Variants in DIXDC1 observed in about 807,000 individuals in gnomAD.
DIXDC1 encodes the protein dixin.
DIXDC1 carries 64 observed loss-of-function variants against 103.1 expected under a neutral mutation model. The ratio of observed to expected loss-of-function variants is 0.62; its 90% CI spans 0.51 to 0.76. The LOEUF is 0.76. Ranked by LOEUF, DIXDC1 falls within the 30% of genes least tolerant of loss-of-function variation. DIXDC1 has a pLI of 0.00. For missense variants in DIXDC1, 759 were observed against 834.2 expected, an observed-to-expected ratio of 0.91 and a Z score of 1.11; for synonymous variants, 266 against 298.5, an observed-to-expected ratio of 0.89 and a Z score of 1.12.
At chr11:111,930,848 C>CTTT (rs1965988927) in intron 2 of DIXDC1, among the ~76,000 whole-genome samples, 1 of 139,020 alleles carries the variant, frequency 7.2e-6, no homozygotes, top group African/African-American at 2.9e-5. Flanking sequence ...TTCTTTCTTT[C>CTTT]CTTTTTTTTT....
At chr11:112,013,138 G>A (rs1861474632) in intron 17 of DIXDC1, among the ~76,000 whole-genome samples, 2 of 152,130 alleles carry the variant, frequency 1.3e-5, no homozygotes, top group South Asian at 4.1e-4. Context: ...AAGGCACGTT[G>A]TCTCTGTGTC....
In DIXDC1 at chr11:111,977,658, GT is replaced by G; in HGVS notation, c.656+2679del. ...TGCTAGCTGGCCTTCCCGTGGAGGC[GT>G]TTTCCAGCCCCAGCGCGGGGAGACA... On this transcript the variant is annotated intron_variant, in intron 5 of 19. Coordinates refer to ENST00000440460, the MANE Select transcript of DIXDC1 (RefSeq NM_001037954.4). This position sits in a 1 kb window ranked among gnomAD's most constrained non-coding sequence, Gnocchi z 6.1. 1 of 1,547,004 alleles carries G rather than the reference GT, an allele frequency of 6.5e-7. No homozygotes were observed. Among genetic ancestry groups the G allele is most frequent in the Non-Finnish European group, 8.7e-7 (1 of 1,144,980 alleles).
intron 11 of DIXDC1, 145 bp from the exon 12 acceptor site, chr11:111,992,805 TG>T: frequency 1.2e-6 from 1 of 833,250 alleles, no homozygotes; most frequent in Non-Finnish European, 1.9e-6. Context: ...ACTAAAAATG[TG>T]GAGAGCAGCT....
intron 17 of DIXDC1, among the ~76,000 whole-genome samples, chr11:111,997,652 G>T (rs189549509): frequency 1.3e-5 from 2 of 152,024 alleles, no homozygotes. Flanking sequence ...TTTATTCATT[G>T]ATTTCTTCAG....
intron 1 of DIXDC1, among the ~76,000 whole-genome samples, chr11:111,950,907 T>C (rs1263194256): frequency 6.6e-6 from 1 of 152,236 alleles, no homozygotes; most frequent in Non-Finnish European, 1.5e-5. Flanking sequence ...TTAGTTACTT[T>C]AAAATGTACA....
Position 111,972,446 on chromosome 11 carries a change from C to T in DIXDC1, c.317-1577C>T, listed in dbSNP as rs78438780. The stretch of plus-strand genomic sequence containing the variant: ...AGTGTAACAGTCTGAGTTAGTCCTG[C>T]GGCATTGATTTTTGTCCCCTTCTCA... On this transcript the variant is annotated intron_variant, in intron 3 of 19. Transcript: ENST00000440460. Among the ~76,000 whole-genome samples the T allele has an allele frequency of 9.0e-3, 1,376 of 152,266 alleles. 12 individuals carry two copies. Among genetic ancestry groups the T allele is most frequent in the African/African-American group, 0.03 (1,256 of 41,540 alleles).
rs1859471437 is a variant in DIXDC1, at chr11:111,958,691, T to G, written c.61-5858T>G. On this transcript the variant is annotated intron_variant, in intron 1 of 19. Transcript: ENST00000440460. This position sits in a 1 kb window ranked among gnomAD's most constrained non-coding sequence, Gnocchi z 4.2. ...GCCCCACCTTCAAACCAGGGAGGCC[T>G]GAAGCCTGGGGGGTCAGGCTGCCAG... is the stretch of plus-strand genomic sequence containing the variant. Among the ~76,000 whole-genome samples the G allele has an allele frequency of 6.6e-6, 1 of 152,160 alleles. No individual in the cohort carries two copies. The highest frequency in any genetic ancestry group is 2.1e-4 in the South Asian group (1 of 4,830).
At chr11:111,928,773 A>G (rs78113722) in intron 1 of DIXDC1, among the ~76,000 whole-genome samples, 290 of 149,538 alleles carry the variant, frequency 1.9e-3, no homozygotes, top group Admixed American at 9.5e-3. Flanking sequence ...AAAAAGTGGG[A>G]AAAAAAAAAG....
chr11:111,996,313 A>G, intron 17 of DIXDC1, 167 bp downstream of exon 17: 1 of 567,652 alleles, frequency 1.8e-6, no homozygotes, highest in East Asian at 3.4e-5. Flanking sequence ...GACTATGAAG[A>G]CATATGCCAT....
At position 111,974,103 on chromosome 11, in the gene DIXDC1, A is replaced by G. The variant is rs1555172352; in HGVS notation, c.397A>G (p.Thr133Ala). ...AAHFKPGSSR[T>A]VNQGRDSRAP... ...TCATTTCAAACCTGGCTCCAGCAGG[A>G]CGGTGAACCAAGGACGGGACTCCAG... is the stretch of plus-strand genomic sequence containing the variant. Residue 133 changes from threonine (T) to alanine (A), a missense_variant, in exon 4 of 20, where the codon ACG becomes GCG. Thr to Ala is a moderately conservative substitution (Grantham distance 58, BLOSUM62 0). Transcript: ENST00000440460. 1.2e-6 allele frequency: 2 copies of G among 1,614,040 alleles called. No homozygotes were observed. Among genetic ancestry groups the G allele is most frequent in the Non-Finnish European group, 1.7e-6 (2 of 1,179,904 alleles).
At chr11:111,990,972 T>C (rs1860694407) in intron 10 of DIXDC1, among the ~76,000 whole-genome samples, 2 of 152,206 alleles carry the variant, frequency 1.3e-5, no homozygotes, top group African/African-American at 2.4e-5. Flanking sequence ...CCAAAAGTGC[T>C]GGGATTACAG....
intron 1 of DIXDC1, chr11:111,928,254 T>C (rs1347645553): frequency 6.6e-6 from 1 of 151,654 alleles, no homozygotes; most frequent in Non-Finnish European, 1.5e-5. Flanking sequence ...ATTTTCTATA[T>C]ATTAAATGAA....
intron 17 of DIXDC1, among the ~76,000 whole-genome samples, chr11:112,010,317 T>C (rs1172014205): frequency 1.3e-5 from 2 of 152,180 alleles, no homozygotes; most frequent in Non-Finnish European, 2.9e-5. Context: ...CACAAACAAA[T>C]GGAAGAACAT....
At chr11:112,009,572 C>G (rs1333371039) in intron 17 of DIXDC1, among the ~76,000 whole-genome samples, 12 of 152,266 alleles carry the variant, frequency 7.9e-5, no homozygotes, top group Non-Finnish European at 1.2e-4. Flanking sequence ...AAAATACTGG[C>G]AAACCGAATC....
chr11:111,956,494 A>G (rs1336749806), intron 1 of DIXDC1, among the ~76,000 whole-genome samples: 1 of 152,094 alleles, frequency 6.6e-6, no homozygotes, highest in Non-Finnish European at 1.5e-5. Context: ...AGTAATAATA[A>G]TAATTTTTTT....
intron 3 of DIXDC1, among the ~76,000 whole-genome samples, chr11:111,969,373 A>T (rs1859838354): frequency 6.6e-6 from 1 of 152,148 alleles, no homozygotes; most frequent in African/African-American, 2.4e-5. Flanking sequence ...CTTGGGTTTC[A>T]TGACAAAATA....
At chr11:111,969,234 C>T (rs1223223167) in intron 3 of DIXDC1, among the ~76,000 whole-genome samples, 1 of 151,736 alleles carries the variant, frequency 6.6e-6, no homozygotes, top group African/African-American at 2.4e-5. Context: ...TTGAGACTAT[C>T]CTGGGCAACA....
At chr11:112,000,000 G>T (rs1389956138) in intron 17 of DIXDC1, among the ~76,000 whole-genome samples, 2 of 152,078 alleles carry the variant, frequency 1.3e-5, no homozygotes, top group South Asian at 4.1e-4. Flanking sequence ...GCTGGGGGTG[G>T]TGGCAGGAGT....
chr11:111,954,354 C>T (rs188008363), intron 1 of DIXDC1, among the ~76,000 whole-genome samples: 14 of 152,146 alleles, frequency 9.2e-5, no homozygotes, highest in South Asian at 2.1e-4. Context: ...TGAAGTGAGG[C>T]GGAGGTCAGG....
Sources: allele counts gnomAD v4.1 joint callset (sites outside exome capture counted in the v4.1 genomes callset), GRCh38; gene constraint gnomAD v4.1.1; non-coding constraint Gnocchi (gnomAD v3.1); transcripts MANE v1.5; gene names NCBI Gene and HGNC (gene_info 2026-07-23, HGNC 2026-07-21).